The following PLD1 variants were observed in gnomAD, a reference collection of about 807,000 sequenced individuals.
PLD1 encodes choline phosphatase 1.
Under a neutral mutation model 137.1 loss-of-function variants are expected in PLD1, and 112 were observed. That is an observed-to-expected ratio of 0.82 (90% confidence interval 0.70 to 0.96). The LOEUF is 0.96. PLD1 is among the 40% of genes least tolerant of loss of function. PLD1 has a pLI of 0.00. For synonymous variants in PLD1, 431 were observed against 454.7 expected (o/e 0.95, Z 0.66); for missense variants, 1,321 against 1,342.0 (o/e 0.98, Z 0.24).
chr3:171,678,121 C>T (rs1224968793), intron 16 of PLD1, among the ~76,000 whole-genome samples: 1 of 152,072 alleles, frequency 6.6e-6, no homozygotes, highest in Non-Finnish European at 1.5e-5. Context: ...GACGCAGGGG[C>T]AATAAAGACA....
intron 19 of PLD1, among the ~76,000 whole-genome samples, chr3:171,674,277 C>T (rs1467534470): frequency 6.6e-6 from 1 of 152,220 alleles, no homozygotes. Flanking sequence ...GTGGCCTTTT[C>T]TAAGGACATG....
intron 23 of PLD1, among the ~76,000 whole-genome samples, chr3:171,621,269 G>A (rs1038785778): frequency 2.0e-5 from 3 of 152,106 alleles, no homozygotes; most frequent in South Asian, 2.1e-4. Context: ...ACTAAGCCAA[G>A]TCATAATCAT....
At chr3:171,665,459 G>A (rs537325608) in intron 19 of PLD1, among the ~76,000 whole-genome samples, 37 of 152,160 alleles carry the variant, frequency 2.4e-4, no homozygotes, top group Middle Eastern at 3.4e-3. Flanking sequence ...CAGCACTTTC[G>A]GAGGCCGAGG....
intron 3 of PLD1, among the ~76,000 whole-genome samples, chr3:171,736,462 A>G (rs1303846086): frequency 6.6e-6 from 1 of 152,198 alleles, no homozygotes; most frequent in Non-Finnish European, 1.5e-5. Context: ...GTGAAATAAG[A>G]AAACAAAGCT....
At chr3:171,699,976 G>A in intron 11 of PLD1, 150 bp from the exon 12 acceptor site, 2 of 639,068 alleles carry the variant, frequency 3.1e-6, no homozygotes, top group South Asian at 2.0e-5. Context: ...ATGAGTCTAG[G>A]AACAACTTCG....
rs746893949 is a variant in PLD1, at chr3:171,674,520, A to C, written c.2209T>G (p.Ser737Ala). 6.2e-7 allele frequency: 1 copy of C among 1,600,326 alleles called. No homozygotes were observed. Among genetic ancestry groups the C allele is most frequent in the Non-Finnish European group, 8.6e-7 (1 of 1,167,982 alleles). ...AHELRYQVPG[S>A]VHANVQLLRS... The stretch of plus-strand genomic sequence containing the variant: ...CTTACCTGTACGTTAGCATGGACAG[A>C]CCCAGGCACTTGATATCTCAACTCA... The change falls in exon 19 of 27, where the codon TCT (serine) becomes GCT (alanine). Residue 737 changes from serine (S) to alanine (A), a missense_variant. Transcript: ENST00000351298.
At chr3:171,623,997 C>CAA (rs369934863) in intron 23 of PLD1, among the ~76,000 whole-genome samples, 10 of 65,446 alleles carry the variant, frequency 1.5e-4, no homozygotes, top group East Asian at 5.1e-4. Context: ...TATCCAGAGG[C>CAA]AAAAAAAAAA....
At chr3:171,756,238 TA>T (rs1393669652) in intron 1 of PLD1, among the ~76,000 whole-genome samples, 1 of 152,232 alleles carries the variant, frequency 6.6e-6, no homozygotes, top group Non-Finnish European at 1.5e-5. Context: ...GTCCTAGAGC[TA>T]AAAAGTCTTC....
At chr3:171,751,513 G>C (rs760897305) in intron 1 of PLD1, among the ~76,000 whole-genome samples, 1 of 152,150 alleles carries the variant, frequency 6.6e-6, no homozygotes, top group African/African-American at 2.4e-5. Flanking sequence ...TAACCCATAG[G>C]AGATCAATTC....
intron 21 of PLD1, among the ~76,000 whole-genome samples, chr3:171,646,181 A>G (rs1736196357): frequency 6.6e-6 from 1 of 152,218 alleles, no homozygotes; most frequent in Non-Finnish European, 1.5e-5. Flanking sequence ...GGAGAAGAAA[A>G]AGCCTCGAAA....
At chr3:171,685,039 G>A (rs1714409423) in intron 16 of PLD1, among the ~76,000 whole-genome samples, 1 of 152,248 alleles carries the variant, frequency 6.6e-6, no homozygotes, top group South Asian at 2.1e-4. Flanking sequence ...CCAACCCACA[G>A]CCTGTGGGCC....
At chr3:171,779,567 G>C (rs1722710212) in intron 1 of PLD1, among the ~76,000 whole-genome samples, 2 of 152,208 alleles carry the variant, frequency 1.3e-5, no homozygotes, top group Non-Finnish European at 2.9e-5. Context: ...TAGGACGTTG[G>C]ATACCTAAGT....
intron 10 of PLD1, 28 bp downstream of exon 10, chr3:171,709,532 T>G (rs777424322): frequency 6.2e-7 from 1 of 1,606,172 alleles, no homozygotes; most frequent in Non-Finnish European, 8.5e-7. Context: ...ATGACTGCCT[T>G]GACAGGCTTA....
chr3:171,796,736 C>T (rs538412827), intron 1 of PLD1, among the ~76,000 whole-genome samples: 44 of 152,246 alleles, frequency 2.9e-4, no homozygotes, highest in Admixed American at 8.5e-4. Flanking sequence ...GACTTTGAAT[C>T]CTCACTCTCC....
At chr3:171,745,284 T>C (rs1186405354) in intron 1 of PLD1, among the ~76,000 whole-genome samples, 2 of 152,224 alleles carry the variant, frequency 1.3e-5, no homozygotes. Flanking sequence ...GAAAGGCACG[T>C]TACAGGTATT....
At chr3:171,809,217 A>C (rs1224975858) in intron 1 of PLD1, 1 of 152,222 alleles carries the variant, frequency 6.6e-6, no homozygotes. Context: ...ATCCCCAAAC[A>C]ACATTTAAAG....
chr3:171,714,193 G>A (rs927112565), intron 8 of PLD1, 148 bp from the exon 9 acceptor site: 31 of 546,910 alleles, frequency 5.7e-5, no homozygotes, highest in African/African-American at 9.7e-5. Context: ...TTTTTTAATC[G>A]CTATGAAACA....
At chr3:171,807,489 T>C (rs1484310577) in intron 1 of PLD1, among the ~76,000 whole-genome samples, 3 of 152,214 alleles carry the variant, frequency 2.0e-5, no homozygotes, top group East Asian at 3.8e-4. Context: ...TTAATGCCAC[T>C]ACATGTACAC....
intron 23 of PLD1, among the ~76,000 whole-genome samples, chr3:171,627,864 T>G (rs1371933667): frequency 6.6e-6 from 1 of 152,048 alleles, no homozygotes; most frequent in Non-Finnish European, 1.5e-5. Context: ...CAAAGCAGTG[T>G]GTAGAGGGAA....
Sources: allele counts gnomAD v4.1 joint callset (sites outside exome capture counted in the v4.1 genomes callset), GRCh38; gene constraint gnomAD v4.1.1; transcripts MANE v1.5; gene names NCBI Gene and HGNC (gene_info 2026-07-23, HGNC 2026-07-21).